The following LOXHD1 variants were observed in gnomAD, a reference collection of about 807,000 sequenced individuals.
The protein encoded by LOXHD1 is lipoxygenase homology domain-containing protein 1.
LOXHD1 carries 205 observed loss-of-function variants against 248.2 expected under a neutral mutation model. The observed-to-expected ratio is 0.83, with a 90% CI of 0.74 to 0.93. LOXHD1 has a LOEUF of 0.93. LOXHD1 is among the 40% of genes least tolerant of loss of function. LOXHD1 has a pLI of 0.00. For missense variants in LOXHD1, 2,930 were observed against 2,971.6 expected, an observed-to-expected ratio of 0.99 and a Z score of 0.33; for synonymous variants, 1,113 against 1,162.8, an observed-to-expected ratio of 0.96 and a Z score of 0.87.
chr18:46,542,198 A>G (rs546388364), intron 24 of LOXHD1, among the ~76,000 whole-genome samples: 2 of 152,310 alleles, frequency 1.3e-5, no homozygotes, highest in Admixed American at 1.3e-4. Flanking sequence ...ACAGGAGAGT[A>G]GGGGGAGGCT....
intron 2 of LOXHD1, among the ~76,000 whole-genome samples, chr18:46,648,083 C>A (rs2039055395): frequency 6.6e-6 from 1 of 152,040 alleles, no homozygotes; most frequent in African/African-American, 2.4e-5. Flanking sequence ...ATGGTGAAAC[C>A]CCGTTTCTAT....
rs114976652 is a variant in LOXHD1, at chr18:46,634,301, A to G, written c.511+5315T>C. On this transcript the variant is annotated intron_variant, in intron 4 of 40. Coordinates refer to ENST00000642948, the MANE Select transcript of LOXHD1 (RefSeq NM_001384474.1). ...AGCATGGATTAAATCTGAAGATATT[A>G]TGCTAAGTGAAATGAGCTAGATGCA... Among the ~76,000 whole-genome samples the G allele has an allele frequency of 2.0e-3, 311 of 152,366 alleles. 2 individuals are homozygous for G. Among genetic ancestry groups the G allele is most frequent in the African/African-American group, 6.6e-3 (275 of 41,586 alleles).
intron 27 of LOXHD1, among the ~76,000 whole-genome samples, chr18:46,534,055 C>T (rs1373316679): frequency 2.0e-5 from 3 of 152,152 alleles, no homozygotes; most frequent in African/African-American, 4.8e-5. Context: ...CCTTGAGTTA[C>T]AGGAAGGGCA....
chr18:46,502,172 T>C (rs1412421505), intron 37 of LOXHD1, among the ~76,000 whole-genome samples: 1 of 152,202 alleles, frequency 6.6e-6, no homozygotes, highest in East Asian at 1.9e-4. Flanking sequence ...GAGTAGGGAA[T>C]TGACATACCA....
intron 34 of LOXHD1, among the ~76,000 whole-genome samples, chr18:46,512,598 C>A (rs2035029765): frequency 1.3e-5 from 2 of 152,234 alleles, no homozygotes; most frequent in Non-Finnish European, 2.9e-5. Context: ...GCAAAATGAA[C>A]CTACTGGGTG....
At chr18:46,550,271 A>G (rs2037033152) in intron 21 of LOXHD1, among the ~76,000 whole-genome samples, 1 of 152,178 alleles carries the variant, frequency 6.6e-6, no homozygotes, top group South Asian at 2.1e-4. Context: ...GCTGTAAGGG[A>G]TTTTTAAGAG....
rs553759326 is a variant in LOXHD1, at chr18:46,494,714, G to A, written c.5879-5572C>T. The stretch of plus-strand genomic sequence containing the variant: ...TCCTCACTTGTACAATGTGTGGATT[G>A]AAATAGATGATTTCTGAGGTTCTTT... On this transcript the variant is annotated intron_variant, in intron 37 of 40. Transcript: ENST00000642948. Among the ~76,000 whole-genome samples the A allele has an allele frequency of 1.3e-4, 20 of 152,270 alleles. No homozygotes were observed. In the South Asian group the frequency reaches 4.1e-3, roughly 32 times the overall value.
intron 25 of LOXHD1, among the ~76,000 whole-genome samples, chr18:46,538,803 G>A (rs1164726148): frequency 6.6e-6 from 1 of 152,158 alleles, no homozygotes; most frequent in Non-Finnish European, 1.5e-5. Context: ...TTGCTGACTG[G>A]ATCGGCCAGT....
intron 17 of LOXHD1, 28 bp from the exon 18 acceptor site, chr18:46,563,253 A>G (rs1467437062): frequency 1.9e-5 from 28 of 1,464,962 alleles, no homozygotes; most frequent in Non-Finnish European, 2.5e-5. Flanking sequence ...GAAGAAGTGG[A>G]ACATTTAGTA....
rs896007118 is a variant in LOXHD1 at position 46,534,271 on chromosome 18, T to C, written c.4212+64A>G. On this transcript the variant is annotated intron_variant, in intron 27 of 40. Transcript: ENST00000642948. The stretch of plus-strand genomic sequence containing the variant: ...TAGCCAGTAGGTCCTCACAGGGAAT[T>C]TGCCTTGAACCTGCTCTGGAAAGGG... 6.8e-6 allele frequency: 8 copies of C among 1,178,646 alleles called. No individual in the cohort carries two copies. In the African/African-American group the frequency reaches 9.2e-5, roughly 14 times the overall value. 73.0% of individuals were successfully genotyped at this position (1,178,646 alleles called of 1,614,324 possible). A position where few individuals can be genotyped will look rare whatever the true frequency, so the allele number is the denominator to read the frequency against.
rs914399659 is a variant in LOXHD1, at chr18:46,628,509, G to A, written c.512-10219C>T. ...GCTCCGTGAAGGAAAATGACAAAGC[G>A]TCGGGAAAAGAGGCTTTCCCTGCTG... is the stretch of plus-strand genomic sequence containing the variant. On this transcript the variant is annotated intron_variant, in intron 4 of 40. Coordinates refer to ENST00000642948, the MANE Select transcript of LOXHD1 (RefSeq NM_001384474.1). Among the ~76,000 whole-genome samples the A allele has an allele frequency of 1.8e-4, 28 of 152,344 alleles. 1 individual carries two copies. Among genetic ancestry groups the A allele is most frequent in the South Asian group, 1.0e-3 (5 of 4,832 alleles).
chr18:46,653,804 G>A (rs759154192), intron 1 of LOXHD1, among the ~76,000 whole-genome samples: 22 of 152,156 alleles, frequency 1.4e-4, no homozygotes, highest in Non-Finnish European at 2.8e-4. Context: ...CTCTGAAGTA[G>A]GAATAAATTC....
intron 21 of LOXHD1, among the ~76,000 whole-genome samples, chr18:46,552,151 C>T (rs1019979413): frequency 6.6e-6 from 1 of 152,108 alleles, no homozygotes; most frequent in African/African-American, 2.4e-5. Flanking sequence ...ATATACTTAA[C>T]ACTATTGAAC....
chr18:46,500,059 A>C (rs2034128823), intron 37 of LOXHD1, among the ~76,000 whole-genome samples: 1 of 152,232 alleles, frequency 6.6e-6, no homozygotes, highest in Admixed American at 6.5e-5. Context: ...TTGGAAGTAC[A>C]AAAGATGGAG....
At chr18:46,547,672 T>C (rs570315646) in intron 21 of LOXHD1, among the ~76,000 whole-genome samples, 1 of 152,036 alleles carries the variant, frequency 6.6e-6, no homozygotes, top group East Asian at 1.9e-4. Context: ...CACAGTGGGG[T>C]AATTAAGGAC....
rs1256277774 is a variant in LOXHD1, at chr18:46,494,847, C to CTTTTTTTTTTTTTT, written c.5879-5706_5879-5705insAAAAAAAAAAAAAA. On this transcript the variant is annotated intron_variant, in intron 37 of 40. Coordinates refer to ENST00000642948, the MANE Select transcript of LOXHD1 (RefSeq NM_001384474.1). ...ATTTTTCTTTCTCCTTTTTCTCTCT[C>CTTTTTTTTTTTTTT]TCTTTTTTTTTTTTTTTTTTTTTTG... Among the ~76,000 whole-genome samples, 48 of 113,402 alleles carry CTTTTTTTTTTTTTT rather than the reference C, an allele frequency of 4.2e-4. 2 individuals carry two copies. The highest frequency in any genetic ancestry group is 6.3e-4 in the Non-Finnish European group (33 of 52,092). 74.4% of individuals were successfully genotyped at this position (113,402 alleles called of 152,430 possible).
intron 12 of LOXHD1, among the ~76,000 whole-genome samples, chr18:46,581,895 T>G (rs1264218296): frequency 6.6e-6 from 1 of 152,252 alleles, no homozygotes; most frequent in Non-Finnish European, 1.5e-5. Flanking sequence ...AGCAGTGGGA[T>G]GATATATTCA....
rs1358286841 is a variant in LOXHD1, at chr18:46,501,868, G to A, written c.5878+3970C>T. ...GACTGCTCATTTTGTCTCTGAAGAG[G>A]ACACATCAGGTAGGAGGATGAAAAC... On this transcript the variant is annotated intron_variant, in intron 37 of 40. Transcript: ENST00000642948. Among the ~76,000 whole-genome samples, 4 of 152,178 alleles carry A rather than the reference G, an allele frequency of 2.6e-5. No individual in the cohort carries two copies. In the East Asian group the frequency reaches 5.8e-4, roughly 22 times the overall value.
chr18:46,641,690 C>T (rs2038964581), intron 3 of LOXHD1, among the ~76,000 whole-genome samples: 1 of 152,154 alleles, frequency 6.6e-6, no homozygotes, highest in Non-Finnish European at 1.5e-5. Context: ...AGAGTCTCTG[C>T]CCCTAACCAC....
Sources: gnomAD v4.1 joint callset for allele counts (sites outside exome capture counted in the v4.1 genomes callset) on GRCh38, gnomAD v4.1.1 for gene constraint, MANE v1.5 for transcripts, NCBI Gene and HGNC (gene_info 2026-07-23, HGNC 2026-07-21) for gene names.